Variants in PPP4R2 observed in about 807,000 individuals in gnomAD.
The protein encoded by PPP4R2 is serine/threonine-protein phosphatase 4 regulatory subunit 2.
Under a neutral mutation model 47.2 loss-of-function variants are expected in PPP4R2, and 13 were observed. The ratio of observed to expected loss-of-function variants is 0.28; its 90% confidence interval spans 0.18 to 0.44. PPP4R2 has a LOEUF of 0.44. Ranked by LOEUF, PPP4R2 falls within the 20% of genes least tolerant of loss-of-function variation. The pLI, the probability that PPP4R2 is intolerant of heterozygous loss-of-function variation, is 1.00. For missense variants in PPP4R2, 421 were observed against 491.2 expected, an observed-to-expected ratio of 0.86 and a Z score of 1.35; for synonymous variants, 151 against 163.3, an observed-to-expected ratio of 0.92 and a Z score of 0.57.
intron 3 of PPP4R2, among the ~76,000 whole-genome samples, chr3:73,050,945 G>T (rs900551965): frequency 1.3e-5 from 2 of 151,880 alleles, no homozygotes; most frequent in East Asian, 3.9e-4. Flanking sequence ...ACAGAGTTTC[G>T]CTCTTGCTGC....
chr3:73,051,679 G>A (rs540931549), intron 3 of PPP4R2, among the ~76,000 whole-genome samples: 2 of 152,320 alleles, frequency 1.3e-5, no homozygotes, highest in African/African-American at 2.4e-5. Flanking sequence ...AGGCTGGAGT[G>A]CAATGGCTCA....
At position 73,016,969 on chromosome 3, in the gene PPP4R2, G is replaced by A. The variant is rs565445315; in HGVS notation, c.116+18811G>A. 9.2e-5 allele frequency among the ~76,000 whole-genome samples: 14 copies of A among 151,880 alleles called. No individual in the cohort carries two copies. In the South Asian group the frequency reaches 2.1e-3, roughly 23 times the overall value. On this transcript the variant is annotated intron_variant, in intron 2 of 8. Coordinates refer to ENST00000356692, the MANE Select transcript of PPP4R2 (RefSeq NM_174907.4). The stretch of plus-strand genomic sequence containing the variant: ...AGCCACCCGAGTAGCTGGGATTACA[G>A]GCATGTGTCACCACATCTAGCTAAT...
At position 73,068,855 on chromosome 3, in the gene PPP4R2, A is replaced by T. The variant is rs1196482755; in HGVS notation, c.*3133A>T. ...TGGTAAGGATGAAAATGCAACTTAC[A>T]AAACCAAAGGAATTAAAAATTTTCG... On this transcript the variant is annotated 3_prime_UTR_variant, in exon 9 of 9. Transcript: ENST00000356692. The T allele has an allele frequency of 6.6e-6, 1 of 152,264 alleles. No individual in the cohort carries two copies. The highest frequency in any genetic ancestry group is 1.5e-5 in the Non-Finnish European group (1 of 68,042). The allele number at this position is 152,264 out of a possible 1,614,324, so 9.4% of individuals were successfully genotyped here.
At chr3:73,061,931 C>A in intron 5 of PPP4R2, 1 of 598,776 alleles carries the variant, frequency 1.7e-6, no homozygotes. Flanking sequence ...TAAAATAATC[C>A]CATACTATAT....
At position 73,065,700 on chromosome 3, in the gene PPP4R2, A is replaced by T; in HGVS notation, c.1232A>T (p.Asp411Val). The T allele has an allele frequency of 6.2e-7, 1 of 1,606,176 alleles. No individual in the cohort carries two copies. The highest frequency in any genetic ancestry group is 1.1e-5 in the South Asian group (1 of 90,782). Residue 411 changes from aspartate to valine, a missense_variant, in exon 9 of 9, where the codon GAT becomes GTT. Physicochemically the swap from Asp to Val is radical, Grantham distance 152 (BLOSUM62 -3). This residue lies in a region of PPP4R2 where 317 missense variants were observed against 287.5 expected (regional missense o/e 1.10). Transcript: ENST00000356692. ...ENDDEATEVTDEPMEQD is the reference protein window; with the variant it reads ...ENDDEATEVTVEPMEQD ...GATGACGAAGCCACAGAAGTCACCG[A>T]TGAACCAATGGAACAAGACTAACTA...
At chr3:73,050,946 C>T (rs1450999874) in intron 3 of PPP4R2, among the ~76,000 whole-genome samples, 1 of 152,080 alleles carries the variant, frequency 6.6e-6, no homozygotes, top group Non-Finnish European at 1.5e-5. Flanking sequence ...CAGAGTTTCG[C>T]TCTTGCTGCT....
At chr3:73,054,155 T>G (rs1267305219) in intron 3 of PPP4R2, among the ~76,000 whole-genome samples, 1 of 152,106 alleles carries the variant, frequency 6.6e-6, no homozygotes, top group African/African-American at 2.4e-5. Context: ...TGACCTCAGG[T>G]GATCCACCCG....
At chr3:73,009,375 G>T (rs1485674336) in intron 2 of PPP4R2, among the ~76,000 whole-genome samples, 1 of 152,182 alleles carries the variant, frequency 6.6e-6, no homozygotes, top group Non-Finnish European at 1.5e-5. Context: ...AGAAGCAGTT[G>T]TCTATATTGC....
intron 2 of PPP4R2, among the ~76,000 whole-genome samples, chr3:73,017,505 C>T (rs1455829806): frequency 2.0e-5 from 3 of 152,102 alleles, no homozygotes; most frequent in Non-Finnish European, 2.9e-5. Flanking sequence ...TGGTGGGTCC[C>T]CTGCATGCTG....
chr3:73,012,697 A>C (rs1701749683), intron 2 of PPP4R2, among the ~76,000 whole-genome samples: 2 of 152,300 alleles, frequency 1.3e-5, no homozygotes, highest in East Asian at 3.9e-4. Context: ...AAATTGTGCA[A>C]CTAAAGGGAA....
intron 2 of PPP4R2, chr3:73,014,879 C>G: frequency 2.0e-6 from 1 of 507,084 alleles, no homozygotes; most frequent in Non-Finnish European, 3.6e-6. Context: ...TTTATTTATT[C>G]ATTTTAATGA....
Position 73,063,090 on chromosome 3 carries a change from T to G in PPP4R2, c.420-583T>G, listed in dbSNP as rs548567326. ...GGGGTGTACTTTGCCACCCCATTAT[T>G]GGGGAGCTGTCACCACGAATGTTCC... On this transcript the variant is annotated intron_variant, in intron 5 of 8. Coordinates refer to ENST00000356692, the MANE Select transcript of PPP4R2 (RefSeq NM_174907.4). 1.8e-5 allele frequency: 11 copies of G among 596,912 alleles called. No homozygotes were observed. In the Admixed American group the frequency reaches 3.2e-4, roughly 17 times the overall value. 37.0% of individuals were successfully genotyped at this position (596,912 alleles called of 1,614,324 possible). A position where few individuals can be genotyped will look rare whatever the true frequency, so the allele number is the denominator to read the frequency against.
chr3:73,051,567 C>T (rs577057639), intron 3 of PPP4R2, among the ~76,000 whole-genome samples: 4 of 152,168 alleles, frequency 2.6e-5, no homozygotes, highest in South Asian at 2.1e-4. Context: ...AGTATTTTGC[C>T]GTAAGAAAGA....
chr3:73,033,847 C>T (rs979238011), intron 2 of PPP4R2, among the ~76,000 whole-genome samples: 1 of 152,170 alleles, frequency 6.6e-6, no homozygotes, highest in African/African-American at 2.4e-5. Flanking sequence ...ACCTTTTAGC[C>T]ATTGTGAATA....
intron 2 of PPP4R2, among the ~76,000 whole-genome samples, chr3:73,009,625 TAGTA>T (rs1216262932): frequency 7.2e-6 from 1 of 138,818 alleles, no homozygotes; most frequent in African/African-American, 3.5e-5. Flanking sequence ...CAGATCTCAT[TAGTA>T]AGAAGATAAG....
rs372594660 is a variant in PPP4R2 at position 73,065,830 on chromosome 3, T to C, written c.*108T>C. ...CCTTTAGTTTTACAAGAGAAGCAGGTTGTAAAATAAAGTACTTTATGGATA... is the reference window on the plus strand; with the variant it reads ...CCTTTAGTTTTACAAGAGAAGCAGGCTGTAAAATAAAGTACTTTATGGATA... On this transcript the variant is annotated 3_prime_UTR_variant, in exon 9 of 9. Transcript: ENST00000356692. 70 of 729,758 alleles carry C rather than the reference T, an allele frequency of 9.6e-5. No individual in the cohort carries two copies. The East Asian group carries it at 1.5e-3, about 16-fold the overall frequency. The allele number at this position is 729,758 out of a possible 1,614,324, so 45.2% of individuals were successfully genotyped here.
chr3:72,999,480 G>T (rs1443787963), intron 2 of PPP4R2, among the ~76,000 whole-genome samples: 1 of 152,276 alleles, frequency 6.6e-6, no homozygotes, highest in East Asian at 1.9e-4. Context: ...AAGCCAAATA[G>T]CATTTTACTT....
At chr3:73,027,055 A>G (rs1702081115) in intron 2 of PPP4R2, among the ~76,000 whole-genome samples, 1 of 152,250 alleles carries the variant, frequency 6.6e-6, no homozygotes, top group Non-Finnish European at 1.5e-5. Context: ...TGCTTAGAAC[A>G]GTACCTGGCA....
chr3:73,047,974 T>TC (rs1289428802), intron 3 of PPP4R2, among the ~76,000 whole-genome samples: 2 of 152,174 alleles, frequency 1.3e-5, no homozygotes, highest in African/African-American at 4.8e-5. Flanking sequence ...TCTCCTGGGT[T>TC]CAAGCAATTC....
Sources: gnomAD v4.1 joint callset for allele counts (sites outside exome capture counted in the v4.1 genomes callset) on GRCh38, gnomAD v4.1.1 for gene constraint, gnomAD v4.1.1 regional missense constraint, MANE v1.5 for transcripts, NCBI Gene and HGNC (gene_info 2026-07-23, HGNC 2026-07-21) for gene names.